Variants in CPNE4 observed in about 807,000 individuals in gnomAD.
The protein encoded by CPNE4 is copine 4.
A neutral mutation model predicts 67.9 loss-of-function variants in CPNE4; 25 were observed. That is an observed-to-expected ratio of 0.37 (90% CI 0.27 to 0.51). CPNE4 has a LOEUF of 0.51. CPNE4 is among the 20% of genes least tolerant of loss of function. The pLI, the probability that CPNE4 is intolerant of heterozygous loss-of-function variation, is 0.93. For synonymous variants in CPNE4, 242 were observed against 244.9 expected, an observed-to-expected ratio of 0.99 and a Z score of 0.11; for missense variants, 464 against 690.8, an observed-to-expected ratio of 0.67 and a Z score of 3.68.
rs577587651 is a variant in CPNE4, at chr3:131,992,579, G to A, written c.-2+41988C>T. ...GATGAGACTTTGGACTTGAACTTTTGGGTTAATGCTGGAATGAGCTAAGAC... is the reference window on the plus strand; with the variant it reads ...GATGAGACTTTGGACTTGAACTTTTAGGTTAATGCTGGAATGAGCTAAGAC... On this transcript the variant is annotated intron_variant, in intron 1 of 15. Coordinates refer to ENST00000429747, the MANE Select transcript of CPNE4 (RefSeq NM_130808.3). Among the ~76,000 whole-genome samples the A allele has an allele frequency of 8.8e-5, 12 of 135,870 alleles. 3 individuals are homozygous for A. The East Asian group carries it at 2.4e-3, about 27-fold the overall frequency. The allele number at this position is 135,870 out of a possible 152,430, so 89.1% of individuals were successfully genotyped here. A position where few individuals can be genotyped will look rare whatever the true frequency, so the allele number is the denominator to read the frequency against.
intron 1 of CPNE4, among the ~76,000 whole-genome samples, chr3:131,977,810 T>G (rs189809287): frequency 6.6e-6 from 1 of 151,664 alleles, no homozygotes; most frequent in Non-Finnish European, 1.5e-5. Flanking sequence ...ACCATATTTG[T>G]AGTCTTTTAT....
chr3:131,902,866 A>AG (rs1392103457), intron 2 of CPNE4, among the ~76,000 whole-genome samples: 7 of 152,256 alleles, frequency 4.6e-5, no homozygotes, highest in Admixed American at 3.9e-4. Context: ...AATATTTAGA[A>AG]GGGAAAAAAA....
At chr3:131,910,110 CT>C (rs1472781366) in intron 1 of CPNE4, among the ~76,000 whole-genome samples, 3 of 152,056 alleles carry the variant, frequency 2.0e-5, no homozygotes, top group Non-Finnish European at 2.9e-5. Context: ...TCTATTCCTC[CT>C]TTTCCCATTG....
chr3:131,559,650 G>GTGAT (rs1936654763), intron 11 of CPNE4, among the ~76,000 whole-genome samples: 1 of 151,936 alleles, frequency 6.6e-6, no homozygotes, highest in Non-Finnish European at 1.5e-5. Flanking sequence ...GAAATATACA[G>GTGAT]TGATTATAAC....
chr3:131,951,703 C>T (rs897809486), intron 1 of CPNE4, among the ~76,000 whole-genome samples: 1 of 152,172 alleles, frequency 6.6e-6, no homozygotes, highest in Non-Finnish European at 1.5e-5. Flanking sequence ...CCTGCGACTG[C>T]AAGCGCGTGC....
chr3:131,822,829 T>C (rs555891225), intron 2 of CPNE4, among the ~76,000 whole-genome samples: 1 of 152,192 alleles, frequency 6.6e-6, no homozygotes, highest in South Asian at 2.1e-4. Context: ...CTTCTTTCCT[T>C]TTTATTTTAT....
chr3:131,741,520 G>A (rs1177994570), intron 2 of CPNE4, among the ~76,000 whole-genome samples: 1 of 152,050 alleles, frequency 6.6e-6, no homozygotes, highest in African/African-American at 2.4e-5. Context: ...TGAGGGTTGG[G>A]GGCAAGGTAT....
intron 1 of CPNE4, among the ~76,000 whole-genome samples, chr3:132,015,720 G>GC (rs1194186782): frequency 1.3e-5 from 2 of 152,176 alleles, no homozygotes; most frequent in African/African-American, 4.8e-5. Flanking sequence ...TATCTCCCAA[G>GC]CAATGCTGCT....
intron 1 of CPNE4, among the ~76,000 whole-genome samples, chr3:131,994,816 A>G (rs1481373984): frequency 6.6e-6 from 1 of 152,226 alleles, no homozygotes; most frequent in African/African-American, 2.4e-5. Flanking sequence ...TTGTACAGAA[A>G]AGCATTTAAT....
chr3:131,945,648 T>A (rs1464855894), intron 1 of CPNE4, among the ~76,000 whole-genome samples: 2 of 152,156 alleles, frequency 1.3e-5, no homozygotes, highest in African/African-American at 4.8e-5. Flanking sequence ...TGCATCGTAG[T>A]CTGAAAGCTC....
At chr3:131,706,764 C>T (rs1372754583) in intron 3 of CPNE4, among the ~76,000 whole-genome samples, 2 of 152,202 alleles carry the variant, frequency 1.3e-5, no homozygotes, top group African/African-American at 4.8e-5. Context: ...AAATCTTGGT[C>T]TCACCAACCC....
intron 5 of CPNE4, among the ~76,000 whole-genome samples, chr3:131,696,221 T>C (rs186429065): frequency 1.9e-4 from 29 of 152,364 alleles, no homozygotes; most frequent in Admixed American, 5.2e-4. Flanking sequence ...ATGTCATTTT[T>C]CTTCCCTTTC....
intron 4 of CPNE4, among the ~76,000 whole-genome samples, chr3:131,697,671 G>T (rs183124669): frequency 6.6e-6 from 1 of 152,262 alleles, no homozygotes; most frequent in East Asian, 1.9e-4. Flanking sequence ...CTCTAGAACT[G>T]GTTGATAACC....
intron 7 of CPNE4, among the ~76,000 whole-genome samples, chr3:131,633,361 T>C (rs1335749867): frequency 6.6e-6 from 1 of 152,066 alleles, no homozygotes; most frequent in Non-Finnish European, 1.5e-5. Context: ...CATTGTAAGG[T>C]AGAAGTACCT....
chr3:131,895,027 C>A (rs1421091859), intron 2 of CPNE4, among the ~76,000 whole-genome samples: 1 of 151,922 alleles, frequency 6.6e-6, no homozygotes, highest in Non-Finnish European at 1.5e-5. Flanking sequence ...TACTATCTAG[C>A]CATAGAAAGG....
chr3:131,869,141 T>C (rs1309046289), intron 2 of CPNE4, among the ~76,000 whole-genome samples: 1 of 152,158 alleles, frequency 6.6e-6, no homozygotes, highest in Non-Finnish European at 1.5e-5. Context: ...AACCCCTCCA[T>C]ATCAGCTCTA....
intron 2 of CPNE4, among the ~76,000 whole-genome samples, chr3:131,739,493 G>A (rs1472706410): frequency 6.6e-6 from 1 of 152,156 alleles, no homozygotes; most frequent in Non-Finnish European, 1.5e-5. Flanking sequence ...CTTCTTTCAG[G>A]ACAGTCATTT....
At chr3:131,813,328 T>C (rs768044006) in intron 2 of CPNE4, among the ~76,000 whole-genome samples, 46 of 151,236 alleles carry the variant, frequency 3.0e-4, no homozygotes, top group Non-Finnish European at 5.3e-4. Context: ...ATGAGAGTAG[T>C]TGTAATAGAA....
chr3:131,681,394 G>A (rs1306559430), intron 6 of CPNE4, among the ~76,000 whole-genome samples: 2 of 152,106 alleles, frequency 1.3e-5, no homozygotes, highest in African/African-American at 4.8e-5. Flanking sequence ...TATTTTTGCT[G>A]GATATGCCAT....
Sources: allele counts gnomAD v4.1 joint callset (sites outside exome capture counted in the v4.1 genomes callset), GRCh38; gene constraint gnomAD v4.1.1; transcripts MANE v1.5; gene names NCBI Gene and HGNC (gene_info 2026-07-23, HGNC 2026-07-21).